The following ERICH3 variants were observed in gnomAD, a reference collection of about 807,000 sequenced individuals.
The protein encoded by ERICH3 is glutamate-rich protein 3.
A neutral mutation model predicts 131.1 loss-of-function variants in ERICH3; 126 were observed. The observed-to-expected ratio is 0.96, with a 90% CI of 0.83 to 1.11. The LOEUF (loss-of-function observed/expected upper bound fraction) is 1.11, where lower values mean the gene tolerates loss of function less well. Among genes scored for constraint, ERICH3 ranks in the 50% most tolerant of loss-of-function variants. The pLI is 0.00. For missense variants in ERICH3, 2,050 were observed against 1,810.7 expected, an observed-to-expected ratio of 1.13 and a Z score of -2.40; for synonymous variants, 695 against 644.6, an observed-to-expected ratio of 1.08 and a Z score of -1.18.
At chr1:74,581,995 G>T (rs892305708) in intron 12 of ERICH3, among the ~76,000 whole-genome samples, 6 of 152,144 alleles carry the variant, frequency 3.9e-5, no homozygotes, top group Admixed American at 3.3e-4. Flanking sequence ...GAGCTTCCAG[G>T]CTTGGTTAGA....
chr1:74,601,804 C>T (rs1429069592), intron 10 of ERICH3, among the ~76,000 whole-genome samples: 1 of 151,834 alleles, frequency 6.6e-6, no homozygotes, highest in East Asian at 1.9e-4. Context: ...GCCCAAGACC[C>T]AGTTAAAACA....
chr1:74,652,189 A>C (rs1646541429), intron 1 of ERICH3, among the ~76,000 whole-genome samples: 2 of 152,142 alleles, frequency 1.3e-5, no homozygotes, highest in Admixed American at 1.3e-4. Context: ...ACATTACTAA[A>C]TTGTTTGATA....
At position 74,595,903 on chromosome 1, in the gene ERICH3, C is replaced by G. The variant is rs1249518712; in HGVS notation, c.1726+3792G>C. Among the ~76,000 whole-genome samples the G allele has an allele frequency of 2.0e-5, 3 of 152,138 alleles. No homozygotes were observed. The East Asian group carries it at 5.8e-4, about 29-fold the overall frequency. On this transcript the variant is annotated intron_variant, in intron 11 of 14. Coordinates refer to ENST00000326665, the MANE Select transcript of ERICH3 (RefSeq NM_001002912.5). ...TCACACATATTATATAGTCTTTGGT[C>G]AGAAGCCATCTATAACATTCCCATA...
rs768094865 is a variant in ERICH3, at chr1:74,573,448, G to A, written c.2262C>T (p.Asn754=). 1.9e-6 allele frequency: 3 copies of A among 1,550,882 alleles called. No individual in the cohort carries two copies. Among genetic ancestry groups the A allele is most frequent in the East Asian group, 4.6e-5 (2 of 43,798 alleles). ...CCAATTGCTGGGATTCCTTGTTTGAGTTGATTGCTGCTGTTTCATCCACCA... is the reference window on the plus strand; with the variant it reads ...CCAATTGCTGGGATTCCTTGTTTGAATTGATTGCTGCTGTTTCATCCACCA... ...NFMVDETAAI[N]SNKESQQLVQ... is the part of the protein sequence containing the mutation. The change falls in exon 14 of 15, where the codon AAC becomes AAT. Residue 754 remains asparagine, a synonymous_variant. Coordinates refer to ENST00000326665, the MANE Select transcript of ERICH3 (RefSeq NM_001002912.5).
intron 12 of ERICH3, among the ~76,000 whole-genome samples, chr1:74,581,299 G>A (rs1022958008): frequency 1.3e-5 from 2 of 152,054 alleles, no homozygotes; most frequent in African/African-American, 4.8e-5. Flanking sequence ...TTAAGCCCAT[G>A]TGTTAGGTTT....
At chr1:74,588,282 A>C (rs1006659006) in intron 12 of ERICH3, among the ~76,000 whole-genome samples, 5 of 152,218 alleles carry the variant, frequency 3.3e-5, no homozygotes, top group African/African-American at 1.2e-4. Context: ...CTTTGAAGCC[A>C]CATAGCATTT....
At chr1:74,634,342 G>T (rs1268606985) in intron 6 of ERICH3, among the ~76,000 whole-genome samples, 2 of 152,076 alleles carry the variant, frequency 1.3e-5, no homozygotes, top group Non-Finnish European at 2.9e-5. Flanking sequence ...TTTACTAAAT[G>T]AAAAGTGAGT....
chr1:74,600,675 C>T (rs1212172009), intron 10 of ERICH3, among the ~76,000 whole-genome samples: 1 of 151,864 alleles, frequency 6.6e-6, no homozygotes, highest in Non-Finnish European at 1.5e-5. Flanking sequence ...TAAACTCCAG[C>T]TGTCCCTCGT....
rs140864337 is a variant in ERICH3, at chr1:74,620,779, C to G, written c.955G>C (p.Gly319Arg). The G allele has an allele frequency of 8.8e-4, 1,417 of 1,612,734 alleles. 1 individual carries two copies. Among genetic ancestry groups the G allele is most frequent in the Non-Finnish European group, 1.1e-3 (1,288 of 1,179,462 alleles). ...TTGTAGACACAAAGGTTTTCCCCAC[C>G]ACAGTGCTGCTGATAAACTTTAATT... ...DEIKVYQQHC[G>R]GENLCVYKGK... The change falls in exon 8 of 15, where the codon GGT becomes CGT. Residue 319 changes from glycine to arginine, a missense_variant. Transcript: ENST00000326665.
rs767224975 is a variant in ERICH3, at chr1:74,573,092, T to C, written c.2618A>G (p.Asp873Gly). The C allele has an allele frequency of 2.5e-6, 4 of 1,614,020 alleles. No homozygotes were observed. The Admixed American group carries it at 6.7e-5, about 27-fold the overall frequency. The change falls in exon 14 of 15, where the codon GAT (aspartate) becomes GGT (glycine). Residue 873 changes from aspartate to glycine, a missense_variant. Asp to Gly is a moderately conservative substitution (Grantham distance 94). Transcript: ENST00000326665. Reference protein sequence around the residue: ...AAKDAVGLSKDEAPEKQALML... With the variant: ...AAKDAVGLSKGEAPEKQALML... ...CAAGGCTTGCTTTTCAGGAGCCTCATCTTTACTCAGACCCACAGCATCTTT... is the reference window on the plus strand; with the variant it reads ...CAAGGCTTGCTTTTCAGGAGCCTCACCTTTACTCAGACCCACAGCATCTTT...
chr1:74,601,566 T>C (rs974274880), intron 10 of ERICH3, among the ~76,000 whole-genome samples: 5 of 151,828 alleles, frequency 3.3e-5, no homozygotes, highest in African/African-American at 1.2e-4. Context: ...GTAAGCAGAA[T>C]GTAATGAAAG....
intron 12 of ERICH3, among the ~76,000 whole-genome samples, chr1:74,582,625 C>A (rs1336428347): frequency 6.6e-6 from 1 of 152,078 alleles, no homozygotes; most frequent in Non-Finnish European, 1.5e-5. Flanking sequence ...AATTCAACTG[C>A]TTTTGTGGAA....
intron 5 of ERICH3, among the ~76,000 whole-genome samples, chr1:74,639,905 A>G (rs1646423147): frequency 6.8e-6 from 1 of 146,046 alleles, no homozygotes; most frequent in African/African-American, 2.8e-5. Flanking sequence ...ATCCAGATGG[A>G]AAAAAAAGGG....
chr1:74,649,230 A>C lies in ERICH3; in HGVS notation c.109T>G (p.Ser37Ala). The C allele has an allele frequency of 6.2e-7, 1 of 1,609,780 alleles. No homozygotes were observed. Among genetic ancestry groups the C allele is most frequent in the South Asian group, 1.1e-5 (1 of 90,558 alleles). ...NTRIRRHLLR[S>A]GLITRSGRIL... is the part of the protein sequence containing the mutation. ...AGTAAACCAAAACTTACCAGTCCTG[A>C]TCTTAAGAGATGACGCCTTATCCTT... The change falls in exon 2 of 15, where the codon TCA becomes GCA. Residue 37 changes from serine (S) to alanine (A), a missense_variant. Physicochemically the swap from Ser to Ala is moderately conservative, Grantham distance 99. Coordinates refer to ENST00000326665, the MANE Select transcript of ERICH3 (RefSeq NM_001002912.5).
intron 1 of ERICH3, among the ~76,000 whole-genome samples, chr1:74,658,171 G>T (rs1646603532): frequency 6.6e-6 from 1 of 152,118 alleles, no homozygotes; most frequent in Non-Finnish European, 1.5e-5. Context: ...GGATTGTTCT[G>T]CTTTAACCAT....
At position 74,590,054 on chromosome 1, in the gene ERICH3, A is replaced by T. The variant is rs1170541587; in HGVS notation, c.1753T>A (p.Ser585Thr). 1 of 1,606,976 alleles carries T rather than the reference A, an allele frequency of 6.2e-7. No homozygotes were observed. Among genetic ancestry groups the T allele is most frequent in the Non-Finnish European group, 8.5e-7 (1 of 1,175,918 alleles). ...TCACTAGAATAAGGGTGACTTCTGG[A>T]TGAGGTTGATGAAGCAGTTTTCATA... ...QDMKTASSTS[S>T]RSHPYSSDSE... The change falls in exon 12 of 15, where the codon TCC becomes ACC. Residue 585 changes from serine (S) to threonine (T), a missense_variant. By Grantham distance (58) the Ser-to-Thr change is moderately conservative. Coordinates refer to ENST00000326665, the MANE Select transcript of ERICH3 (RefSeq NM_001002912.5).
chr1:74,576,395 G>T (rs1438964836), intron 13 of ERICH3, among the ~76,000 whole-genome samples: 2 of 152,094 alleles, frequency 1.3e-5, no homozygotes, highest in African/African-American at 4.8e-5. Flanking sequence ...AAAAGATATG[G>T]GTTCTCTAAG....
chr1:74,625,603 GTATATATA>G (rs141617985), intron 7 of ERICH3: 1 of 151,424 alleles, frequency 6.6e-6, no homozygotes, highest in Non-Finnish European at 1.5e-5. Flanking sequence ...ATGGTTAATT[GTATATATA>G]TATATCTGTC....
rs75589727 is a variant in ERICH3 at position 74,602,417 on chromosome 1, C to T, written c.1490-2486G>A. Among the ~76,000 whole-genome samples the T allele has an allele frequency of 1.3e-4, 20 of 152,044 alleles. No homozygotes were observed. The East Asian group carries it at 3.3e-3, about 25-fold the overall frequency. On this transcript the variant is annotated intron_variant, in intron 10 of 14. Transcript: ENST00000326665. ...TCTAAAATCTTTTACATAATTTCTT[C>T]TGTTCTCCCATCCCATTTGCCTTCT...
Sources: gnomAD v4.1 joint callset for allele counts (sites outside exome capture counted in the v4.1 genomes callset) on GRCh38, gnomAD v4.1.1 for gene constraint, MANE v1.5 for transcripts, NCBI Gene and HGNC (gene_info 2026-07-23, HGNC 2026-07-21) for gene names.